Variants in DRC9 observed in about 807,000 individuals in gnomAD.
DRC9 encodes the protein dynein regulatory complex subunit 9, also known as dynein regulatory complex protein 9.
the DRC9 span, chr3:197,959,922 G>T: frequency 2.1e-6 from 1 of 465,742 alleles, no homozygotes; most frequent in Non-Finnish European, 3.9e-6. Context: ...CCTAGTAGGT[G>T]CATGTCACTT....
At chr3:197,946,167 G>A in the DRC9 span, among the ~76,000 whole-genome samples, 2 of 152,284 alleles carry the variant, frequency 1.3e-5, no homozygotes, top group African/African-American at 4.8e-5. Flanking sequence ...CGGGCGCGGG[G>A]GCTCACGCCT....
chr3:197,950,896 T>A, the DRC9 span: 50 of 1,606,726 alleles, frequency 3.1e-5, no homozygotes, highest in Non-Finnish European at 3.7e-5. Flanking sequence ...GGGAAACTTG[T>A]GTGGCTTGGT....
the DRC9 span, chr3:197,891,445 C>T: frequency 3.3e-6 from 5 of 1,528,056 alleles, no homozygotes; most frequent in East Asian, 1.1e-4. Flanking sequence ...TGGTTCTTTA[C>T]CTTTATAACG....
chr3:197,926,243 C>A, the DRC9 span: 1 of 607,514 alleles, frequency 1.6e-6, no homozygotes, highest in African/African-American at 1.8e-5. Context: ...CTGGGAGGGG[C>A]CTGAAGTGTG....
chr3:197,913,020 A>G, the DRC9 span: 139 of 409,002 alleles, frequency 3.4e-4, no homozygotes, highest in Non-Finnish European at 5.8e-4. Flanking sequence ...CTCCAAGGGC[A>G]CAAGGCTGTG....
chr3:197,926,157 C>A, the DRC9 span: 7 of 1,007,598 alleles, frequency 6.9e-6, no homozygotes, highest in Non-Finnish European at 1.1e-5. Context: ...TCAAAACTTA[C>A]GTGCACAAGG....
At chr3:197,919,695 GC>G in the DRC9 span, among the ~76,000 whole-genome samples, 1 of 152,170 alleles carries the variant, frequency 6.6e-6, no homozygotes, top group South Asian at 2.1e-4. Flanking sequence ...AATAACGTGA[GC>G]CAAGGGCTTT....
At chr3:197,915,284 A>G in the DRC9 span, among the ~76,000 whole-genome samples, 1 of 151,450 alleles carries the variant, frequency 6.6e-6, no homozygotes, top group Non-Finnish European at 1.5e-5. Context: ...TCCTGAAGCA[A>G]TCAAGACCTG....
At chr3:197,943,966 C>A in the DRC9 span, 3 of 1,614,034 alleles carry the variant, frequency 1.9e-6, no homozygotes, top group Non-Finnish European at 2.5e-6. Flanking sequence ...TCTTCTTCTA[C>A]GGTACTAGGT....
At chr3:197,946,257 A>G in the DRC9 span, among the ~76,000 whole-genome samples, 17 of 151,914 alleles carry the variant, frequency 1.1e-4, no homozygotes, top group African/African-American at 2.9e-4. Context: ...AACACGGTGA[A>G]ACCCCGTCTC....
chr3:197,940,026 CTG>C, the DRC9 span, among the ~76,000 whole-genome samples: 1 of 152,104 alleles, frequency 6.6e-6, no homozygotes, highest in Non-Finnish European at 1.5e-5. Flanking sequence ...CAGAGTCTCA[CTG>C]TGTCGCTCAG....
the DRC9 span, among the ~76,000 whole-genome samples, chr3:197,929,250 C>A: frequency 6.6e-6 from 1 of 152,188 alleles, no homozygotes; most frequent in Non-Finnish European, 1.5e-5. This position sits in a 1 kb window ranked among gnomAD's most constrained non-coding sequence, Gnocchi z 4.6. Flanking sequence ...CTGACAATAA[C>A]CATTACTTCT....
chr3:197,901,064 C>T, the DRC9 span, among the ~76,000 whole-genome samples: 1 of 152,194 alleles, frequency 6.6e-6, no homozygotes, highest in East Asian at 1.9e-4. The surrounding 1 kb of genome is among the most constrained non-coding windows in gnomAD (Gnocchi z 4.4). Context: ...AAAGGGGACT[C>T]TGTCTTACAC....
the DRC9 span, among the ~76,000 whole-genome samples, chr3:197,945,889 A>AT: frequency 3.3e-5 from 5 of 152,204 alleles, no homozygotes; most frequent in African/African-American, 1.2e-4. Context: ...CAACTGAGTT[A>AT]TTACTGCTCT....
chr3:197,943,630 C>T, the DRC9 span: 1 of 741,558 alleles, frequency 1.3e-6, no homozygotes, highest in Non-Finnish European at 2.1e-6. Context: ...CAGAGCGAGA[C>T]CCTGTCAAAA....
the DRC9 span, among the ~76,000 whole-genome samples, chr3:197,914,818 G>A: frequency 3.6e-4 from 55 of 152,250 alleles, no homozygotes; most frequent in African/African-American, 1.3e-3. Flanking sequence ...GGACTCTCTC[G>A]GGAAAGCGAT....
chr3:197,953,594 C>A, the DRC9 span: 1 of 458,118 alleles, frequency 2.2e-6, no homozygotes, highest in African/African-American at 2.0e-5. Flanking sequence ...TGGCATTTCC[C>A]CTCCCTTTCC....
the DRC9 span, chr3:197,914,150 G>C: frequency 1.1e-6 from 1 of 937,962 alleles, no homozygotes; most frequent in Admixed American, 1.9e-5. Context: ...TAAGGAACTG[G>C]AACTATTTTT....
At chr3:197,910,982 C>CAAAAAAAAAA in the DRC9 span, among the ~76,000 whole-genome samples, 11 of 61,506 alleles carry the variant, frequency 1.8e-4, no homozygotes, top group Non-Finnish European at 1.8e-4. Context: ...AAAAACAAAA[C>CAAAAAAAAAA]AAAAAAAAAA....
Sources: gnomAD v4.1 joint callset for allele counts (sites outside exome capture counted in the v4.1 genomes callset) on GRCh38, gnomAD v4.1.1 for gene constraint, Gnocchi (gnomAD v3.1) non-coding constraint, MANE v1.5 for transcripts, NCBI Gene and HGNC (gene_info 2026-07-23, HGNC 2026-07-21) for gene names.